RPH3AL: variants seen among roughly 807,000 people sequenced by gnomAD.
RPH3AL encodes the protein rabphilin 3A like (without C2 domains), also known as rab effector Noc2.
In RPH3AL, 38 loss-of-function variants were observed where a neutral mutation model predicts 43.1. The ratio of observed to expected loss-of-function variants is 0.88; its 90% CI spans 0.68 to 1.15. The LOEUF (loss-of-function observed/expected upper bound fraction) is 1.15. Among genes scored for constraint, RPH3AL ranks in the 50% most tolerant of loss-of-function variants. The probability of loss-of-function intolerance (pLI) is 0.00; values close to 1 mark genes in which losing one functional copy is unlikely to be tolerated. For missense variants in RPH3AL, 462 were observed against 423.2 expected (o/e 1.09, Z -0.81); for synonymous variants, 189 against 176.3 (o/e 1.07, Z -0.57).
In RPH3AL at chr17:221,367, G is replaced by C. The variant is rs199638990; in HGVS notation, c.614-1631C>G. Among the ~76,000 whole-genome samples the C allele has an allele frequency of 2.6e-3, 190 of 72,252 alleles. 11 individuals carry two copies. Among genetic ancestry groups the C allele is most frequent in the Non-Finnish European group, 3.5e-3 (106 of 29,928 alleles). 47.4% of individuals were successfully genotyped at this position (72,252 alleles called of 152,430 possible). ...AGACCCAAGCACAACAGCTCTGAGGGCTCCACTCACTGAGACAACAGACCC... is the reference window on the plus strand; with the variant it reads ...AGACCCAAGCACAACAGCTCTGAGGCCTCCACTCACTGAGACAACAGACCC... On this transcript the variant is annotated intron_variant, in intron 7 of 9. Transcript: ENST00000331302.
chr17:224,894 C>T (rs1018765305), intron 7 of RPH3AL, among the ~76,000 whole-genome samples: 1 of 142,048 alleles, frequency 7.0e-6, no homozygotes, highest in Non-Finnish European at 1.5e-5. Flanking sequence ...TGTTCTCACT[C>T]ATAGGTGGGA....
At chr17:337,342 C>T (rs1232140027) in intron 1 of RPH3AL, among the ~76,000 whole-genome samples, 5 of 152,122 alleles carry the variant, frequency 3.3e-5, no homozygotes, top group Non-Finnish European at 7.4e-5. Flanking sequence ...CTCAAATGAT[C>T]CTCCTGCCTC....
chr17:321,372 G>A lies in RPH3AL; in HGVS notation c.121C>T (p.Gln41Ter), dbSNP rs940889282. 1.2e-6 allele frequency: 2 copies of A among 1,611,378 alleles called. No individual in the cohort carries two copies. Among genetic ancestry groups the A allele is most frequent in the South Asian group, 1.1e-5 (1 of 91,084 alleles). The part of the protein sequence containing the change: ...WSVHTYQTEK[Q>*]RRKQHLSPAE... ...GGGCTGAGGTGCTGCTTCCTCCTCTGCTTCTCCGTCTGGTAGGTGTGCACG... is the reference window on the plus strand; with the variant it reads ...GGGCTGAGGTGCTGCTTCCTCCTCTACTTCTCCGTCTGGTAGGTGTGCACG... The change falls in exon 4 of 10, where the codon CAG becomes TAG. Residue 41 changes from glutamine to a stop codon, truncating the protein, a stop_gained. Coordinates refer to ENST00000331302, the MANE Select transcript of RPH3AL (RefSeq NM_006987.4). LOFTEE classifies it high-confidence loss of function.
intron 5 of RPH3AL, among the ~76,000 whole-genome samples, chr17:284,847 G>A (rs2151611354): frequency 6.6e-6 from 1 of 152,324 alleles, no homozygotes; most frequent in South Asian, 2.1e-4. Context: ...CGGTCGGGGT[G>A]CCCACACGGT....
chr17:298,702 C>T, intron 5 of RPH3AL, among the ~76,000 whole-genome samples: 1 of 18,260 alleles, frequency 5.5e-5, no homozygotes. Flanking sequence ...GAGATGTTAT[C>T]TCAAAAAAAA....
chr17:318,231 A>T (rs529995991), intron 5 of RPH3AL, among the ~76,000 whole-genome samples: 7 of 152,026 alleles, frequency 4.6e-5, no homozygotes, highest in African/African-American at 1.7e-4. Context: ...AAAATTCAAA[A>T]ATTAGCCGGT....
chr17:267,601 G>T (rs1015287796), intron 6 of RPH3AL, among the ~76,000 whole-genome samples: 1 of 152,220 alleles, frequency 6.6e-6, no homozygotes, highest in Non-Finnish European at 1.5e-5. Context: ...GGTGCAGAGC[G>T]GGCGGCCTGC....
chr17:314,244 C>A (rs1360475711), intron 5 of RPH3AL, among the ~76,000 whole-genome samples: 1 of 152,150 alleles, frequency 6.6e-6, no homozygotes, highest in Admixed American at 6.5e-5. Context: ...GAATATTTAC[C>A]ACAGGCCAGG....
chr17:252,485 G>T (rs782544286), intron 6 of RPH3AL, among the ~76,000 whole-genome samples: 2 of 152,080 alleles, frequency 1.3e-5, no homozygotes, highest in Non-Finnish European at 2.9e-5. Context: ...GATGCAACCT[G>T]TTCCCACCCT....
intron 5 of RPH3AL, among the ~76,000 whole-genome samples, chr17:303,231 A>T (rs1386583579): frequency 6.6e-6 from 1 of 152,130 alleles, no homozygotes; most frequent in Non-Finnish European, 1.5e-5. Flanking sequence ...GTCTCCACAA[A>T]AAATGAGAAA....
intron 7 of RPH3AL, among the ~76,000 whole-genome samples, chr17:231,793 A>G (rs189342092): frequency 1.3e-5 from 2 of 152,340 alleles, no homozygotes; most frequent in African/African-American, 4.8e-5. Flanking sequence ...GGAATTGACC[A>G]ATCAGCCAAG....
chr17:259,754 C>T lies in RPH3AL; in HGVS notation c.439-12469G>A, dbSNP rs932798866. Among the ~76,000 whole-genome samples, 5 of 152,216 alleles carry T rather than the reference C, an allele frequency of 3.3e-5. No individual in the cohort carries two copies. In the South Asian group the frequency reaches 6.2e-4, roughly 19 times the overall value. ...CGGCAGCAGTAAACGCTCCTGGTAC[C>T]GCTGCTCGCCCTGCTCTGTGCTCCG... On this transcript the variant is annotated intron_variant, in intron 6 of 9. Transcript: ENST00000331302.
At position 275,232 on chromosome 17, in the gene RPH3AL, G is replaced by A. The variant is rs565730484; in HGVS notation, c.438+6536C>T. Among the ~76,000 whole-genome samples, 21 of 74,232 alleles carry A rather than the reference G, an allele frequency of 2.8e-4. No individual in the cohort carries two copies. In the Admixed American group the frequency reaches 3.0e-3, roughly 11 times the overall value. 48.7% of individuals were successfully genotyped at this position (74,232 alleles called of 152,430 possible). On this transcript the variant is annotated intron_variant, in intron 6 of 9. Transcript: ENST00000331302. ...GTTTACAGCACAATTATTCATAACAGCAAAAAAAACAAAAAACAAAAAAAG... is the reference window on the plus strand; with the variant it reads ...GTTTACAGCACAATTATTCATAACAACAAAAAAAACAAAAAACAAAAAAAG...
At position 328,579 on chromosome 17, in the gene RPH3AL, C is replaced by T. The variant is rs1038054890; in HGVS notation, c.-36-1000G>A. Reference sequence around the variant, plus strand: ...CACACCCAAGAGTACCCAAAACATACGTCCTCACCAAAACCTGTACACAAA... The same window carrying T: ...CACACCCAAGAGTACCCAAAACATATGTCCTCACCAAAACCTGTACACAAA... On this transcript the variant is annotated intron_variant, in intron 2 of 9. Transcript: ENST00000331302. The surrounding 1 kb of genome is among the most constrained non-coding windows in gnomAD (Gnocchi z 4.2). 3.9e-5 allele frequency among the ~76,000 whole-genome samples: 6 copies of T among 152,094 alleles called. No individual in the cohort carries two copies. The highest frequency in any genetic ancestry group is 8.8e-5 in the Non-Finnish European group (6 of 68,034).
chr17:243,002 A>ATACCTTCCTCTATTGAC (rs2041609310), intron 7 of RPH3AL, among the ~76,000 whole-genome samples: 1 of 77,622 alleles, frequency 1.3e-5, no homozygotes, highest in African/African-American at 5.7e-5. Flanking sequence ...CCTCTATTGA[A>ATACCTTCCTCTATTGAC]TACCTTCCTC....
At chr17:301,364 C>G (rs778737715) in intron 5 of RPH3AL, among the ~76,000 whole-genome samples, 1 of 152,130 alleles carries the variant, frequency 6.6e-6, no homozygotes, top group Non-Finnish European at 1.5e-5. Flanking sequence ...AGTGCAGTGG[C>G]GGGAGCACGG....
chr17:273,815 G>A (rs558963923), intron 6 of RPH3AL, among the ~76,000 whole-genome samples: 58 of 152,320 alleles, frequency 3.8e-4, no homozygotes, highest in African/African-American at 1.0e-3. Flanking sequence ...AGGATGTGGC[G>A]GGAAATTGAG....
intron 5 of RPH3AL, among the ~76,000 whole-genome samples, chr17:314,365 A>G (rs1340935228): frequency 2.0e-5 from 3 of 148,874 alleles, no homozygotes; most frequent in African/African-American, 7.7e-5. Context: ...GGCAGGAGTC[A>G]CTGCCCGAGT....
chr17:242,279 T>A, intron 7 of RPH3AL, among the ~76,000 whole-genome samples: 2 of 131,522 alleles, frequency 1.5e-5, no homozygotes, highest in South Asian at 4.8e-4. Context: ...CCTTCCTCTA[T>A]TGACTACCTT....
Sources: gnomAD v4.1 joint callset for allele counts (sites outside exome capture counted in the v4.1 genomes callset) on GRCh38, gnomAD v4.1.1 for gene constraint, Gnocchi (gnomAD v3.1) non-coding constraint, MANE v1.5 for transcripts, NCBI Gene and HGNC (gene_info 2026-07-23, HGNC 2026-07-21) for gene names.